Variants in HS3ST2 observed in about 807,000 individuals in gnomAD.
HS3ST2 encodes heparan sulfate-glucosamine 3-sulfotransferase 2.
Under a neutral mutation model 26.3 loss-of-function variants are expected in HS3ST2, and 17 were observed. That is an observed-to-expected ratio of 0.65 (90% CI 0.44 to 0.97). The LOEUF is 0.97. HS3ST2 is among the 50% of genes least tolerant of loss of function. The pLI, the probability that HS3ST2 is intolerant of heterozygous loss-of-function variation, is 0.00. For synonymous variants in HS3ST2, 237 were observed against 219.2 expected (o/e 1.08, Z -0.72); for missense variants, 402 against 501.2 (o/e 0.80, Z 1.89).
chr16:22,899,437 G>C (rs1301904249), intron 1 of HS3ST2, among the ~76,000 whole-genome samples: 1 of 152,194 alleles, frequency 6.6e-6, no homozygotes, highest in Admixed American at 6.5e-5. Flanking sequence ...CACCTACTAA[G>C]AGTGGCAAGA....
At chr16:22,850,774 G>A (rs897506620) in intron 1 of HS3ST2, among the ~76,000 whole-genome samples, 2 of 152,136 alleles carry the variant, frequency 1.3e-5, no homozygotes, top group Admixed American at 1.3e-4. Context: ...GCTACAGAAC[G>A]AGACTCCATC....
At position 22,915,042 on chromosome 16, in the gene HS3ST2, C is replaced by G; in HGVS notation, c.584C>G (p.Ser195Cys). 1 of 1,614,102 alleles carries G rather than the reference C, an allele frequency of 6.2e-7. No individual in the cohort carries two copies. Among genetic ancestry groups the G allele is most frequent in the Non-Finnish European group, 8.5e-7 (1 of 1,180,026 alleles). Reference sequence around the variant, plus strand: ...GCTCCTCGACGCATCTTCAACATGTCCCGAGACACCAAGCTGATCGTGGTT... The same window carrying G: ...GCTCCTCGACGCATCTTCAACATGTGCCGAGACACCAAGCTGATCGTGGTT... The part of the protein sequence containing the change: ...QEAPRRIFNM[S>C]RDTKLIVVVR... The change falls in exon 2 of 2, where the codon TCC (serine) becomes TGC (cysteine). Residue 195 changes from serine to cysteine, a missense_variant. This residue lies in a region of HS3ST2 where 237 missense variants were observed against 346.6 expected (regional missense o/e 0.68). Transcript: ENST00000261374.
chr16:22,902,998 T>C (rs1319100603), intron 1 of HS3ST2, among the ~76,000 whole-genome samples: 1 of 152,188 alleles, frequency 6.6e-6, no homozygotes, highest in Admixed American at 6.5e-5. Flanking sequence ...TGCAGATATT[T>C]TTCCAATTAG....
chr16:22,816,424 G>A (rs979834758), intron 1 of HS3ST2, among the ~76,000 whole-genome samples: 4 of 152,336 alleles, frequency 2.6e-5, no homozygotes, highest in African/African-American at 7.2e-5. Context: ...TAGGGGGACC[G>A]CAGGCCTGAT....
At chr16:22,829,490 A>C (rs1901138163) in intron 1 of HS3ST2, among the ~76,000 whole-genome samples, 1 of 152,104 alleles carries the variant, frequency 6.6e-6, no homozygotes, top group African/African-American at 2.4e-5. Flanking sequence ...TTTTTTTTAA[A>C]AAGAAAAAGT....
At chr16:22,874,563 A>C (rs1901886273) in intron 1 of HS3ST2, among the ~76,000 whole-genome samples, 2 of 152,280 alleles carry the variant, frequency 1.3e-5, no homozygotes, top group Non-Finnish European at 2.9e-5. Flanking sequence ...TATGGCTGTG[A>C]GTCTGTCTCC....
At chr16:22,870,384 AATTG>A (rs1379264359) in intron 1 of HS3ST2, among the ~76,000 whole-genome samples, 6 of 152,046 alleles carry the variant, frequency 3.9e-5, no homozygotes, top group Admixed American at 3.9e-4. Flanking sequence ...TGCAGCTTCT[AATTG>A]ATTAGTGCTC....
chr16:22,908,758 G>A (rs754888983), intron 1 of HS3ST2, among the ~76,000 whole-genome samples: 11 of 152,148 alleles, frequency 7.2e-5, no homozygotes, highest in Non-Finnish European at 1.0e-4. Flanking sequence ...GGCAGAGCCC[G>A]CATGACCCAA....
intron 1 of HS3ST2, among the ~76,000 whole-genome samples, chr16:22,830,649 C>T (rs1901155071): frequency 1.3e-5 from 2 of 152,164 alleles, no homozygotes; most frequent in Admixed American, 6.5e-5. Flanking sequence ...GATGCATGAA[C>T]CCTTGGTGGA....
intron 1 of HS3ST2, among the ~76,000 whole-genome samples, chr16:22,819,658 C>G (rs1229265823): frequency 6.6e-6 from 1 of 152,170 alleles, no homozygotes; most frequent in East Asian, 1.9e-4. Flanking sequence ...TGAGCCTGTT[C>G]TATAAATTTC....
intron 1 of HS3ST2, among the ~76,000 whole-genome samples, chr16:22,851,909 T>G (rs1901524051): frequency 6.6e-6 from 1 of 152,162 alleles, no homozygotes; most frequent in Non-Finnish European, 1.5e-5. Flanking sequence ...GGGTTGTCCT[T>G]CTGCAGTCAC....
intron 1 of HS3ST2, among the ~76,000 whole-genome samples, chr16:22,870,649 G>A (rs1901824351): frequency 6.6e-6 from 1 of 152,146 alleles, no homozygotes; most frequent in South Asian, 2.1e-4. Flanking sequence ...AACACCAGGT[G>A]CATTCTCACC....
chr16:22,857,344 C>G (rs1024414048), intron 1 of HS3ST2, among the ~76,000 whole-genome samples: 5 of 152,122 alleles, frequency 3.3e-5, no homozygotes, highest in South Asian at 2.1e-4. Flanking sequence ...AAGCTAGAGG[C>G]CTTTTGATTA....
At chr16:22,903,739 C>T (rs1347242618) in intron 1 of HS3ST2, among the ~76,000 whole-genome samples, 1 of 152,140 alleles carries the variant, frequency 6.6e-6, no homozygotes, top group Non-Finnish European at 1.5e-5. Context: ...GTAGTCTCCA[C>T]TTGTCACACA....
chr16:22,817,815 G>A (rs1347134679), intron 1 of HS3ST2, among the ~76,000 whole-genome samples: 1 of 152,184 alleles, frequency 6.6e-6, no homozygotes, highest in East Asian at 1.9e-4. Context: ...AAAGCCCCTG[G>A]TGATAACTTC....
At chr16:22,839,940 A>C (rs751706794) in intron 1 of HS3ST2, among the ~76,000 whole-genome samples, 4 of 152,232 alleles carry the variant, frequency 2.6e-5, no homozygotes, top group African/African-American at 9.6e-5. Flanking sequence ...GTAAAAATAA[A>C]TGGTCACATT....
chr16:22,894,551 C>T (rs1213873052), intron 1 of HS3ST2, among the ~76,000 whole-genome samples: 3 of 152,146 alleles, frequency 2.0e-5, no homozygotes, highest in Admixed American at 2.0e-4. Context: ...TCCTCTCCCA[C>T]AGCCACTTGA....
At chr16:22,913,148 A>AAGGAAGGAAGGAAGGGAGGGAGGG (rs1475740110) in intron 1 of HS3ST2, among the ~76,000 whole-genome samples, 1 of 88,062 alleles carries the variant, frequency 1.1e-5, no homozygotes, top group African/African-American at 5.5e-5. Flanking sequence ...GGAAGGAAGG[A>AAGGAAGGAAGGAAGGGAGGGAGGG]AGGGAGGGAG....
intron 1 of HS3ST2, among the ~76,000 whole-genome samples, chr16:22,893,174 AC>A (rs1431486821): frequency 1.3e-5 from 2 of 152,200 alleles, no homozygotes; most frequent in Non-Finnish European, 2.9e-5. Context: ...GCTATTCAGT[AC>A]CTTGGGTCTT....
Sources: gnomAD v4.1 joint callset for allele counts (sites outside exome capture counted in the v4.1 genomes callset) on GRCh38, gnomAD v4.1.1 for gene constraint, gnomAD v4.1.1 regional missense constraint, MANE v1.5 for transcripts, NCBI Gene and HGNC (gene_info 2026-07-23, HGNC 2026-07-21) for gene names.